The following CADM1 variants were observed in gnomAD, a reference collection of about 807,000 sequenced individuals.
CADM1 encodes TSLC-1.
A neutral mutation model predicts 53.1 loss-of-function variants in CADM1; 15 were observed. The observed-to-expected ratio is 0.28, with a 90% CI of 0.19 to 0.44. The LOEUF (loss-of-function observed/expected upper bound fraction) is 0.44, where lower values mean the gene tolerates loss of function less well. Ranked by LOEUF, CADM1 falls within the 20% of genes least tolerant of loss-of-function variation. The pLI, the probability that CADM1 is intolerant of heterozygous loss-of-function variation, is 1.00. For missense variants in CADM1, 434 were observed against 611.3 expected (o/e 0.71, Z 3.06); for synonymous variants, 281 against 243.0 (o/e 1.16, Z -1.45).
chr11:115,320,809 A>G (rs1944804223), intron 1 of CADM1, among the ~76,000 whole-genome samples: 1 of 152,116 alleles, frequency 6.6e-6, no homozygotes, highest in Non-Finnish European at 1.5e-5. Flanking sequence ...TCCTTATGTA[A>G]TATAGGGGAA....
At chr11:115,350,125 C>T (rs1320648852) in intron 1 of CADM1, among the ~76,000 whole-genome samples, 1 of 152,158 alleles carries the variant, frequency 6.6e-6, no homozygotes, top group Non-Finnish European at 1.5e-5. Context: ...GCATGTGCCA[C>T]CATGACTGGC....
chr11:115,379,954 C>T (rs1302544298), intron 1 of CADM1, among the ~76,000 whole-genome samples: 1 of 152,012 alleles, frequency 6.6e-6, no homozygotes, highest in Non-Finnish European at 1.5e-5. Context: ...ACAGTATAGA[C>T]TATATAATAA....
intron 1 of CADM1, among the ~76,000 whole-genome samples, chr11:115,391,630 T>G (rs1194577220): frequency 6.6e-6 from 1 of 152,158 alleles, no homozygotes; most frequent in Non-Finnish European, 1.5e-5. Flanking sequence ...TTTTTCCTTT[T>G]TCCCCAAAAC....
intron 1 of CADM1, among the ~76,000 whole-genome samples, chr11:115,418,206 T>C (rs1317383090): frequency 3.9e-5 from 6 of 152,168 alleles, no homozygotes; most frequent in Admixed American, 2.0e-4. Flanking sequence ...TCAATGGTTA[T>C]GCTCTATATA....
At chr11:115,201,885 G>C (rs1940445832) in intron 8 of CADM1, among the ~76,000 whole-genome samples, 1 of 152,020 alleles carries the variant, frequency 6.6e-6, no homozygotes, top group African/African-American at 2.4e-5. Context: ...ATATGGCCAA[G>C]AAAAAACAAT....
In CADM1 at chr11:115,210,434, G is replaced by A. The variant is rs541243648; in HGVS notation, c.995-777C>T. Among the ~76,000 whole-genome samples the A allele has an allele frequency of 1.6e-4, 25 of 152,164 alleles. 1 individual carries two copies. Among genetic ancestry groups the A allele is most frequent in the African/African-American group, 5.8e-4 (24 of 41,508 alleles). On this transcript the variant is annotated intron_variant, in intron 7 of 11. Transcript: ENST00000331581. Reference sequence around the variant, plus strand: ...ACCTTCAAAGCCAGGAACCTGATAGGGAACCCTCTGTCAGATATTTGATAT... The same window carrying A: ...ACCTTCAAAGCCAGGAACCTGATAGAGAACCCTCTGTCAGATATTTGATAT...
intron 1 of CADM1, among the ~76,000 whole-genome samples, chr11:115,373,606 A>AAAAAG (rs1946365675): frequency 8.4e-6 from 1 of 119,092 alleles, no homozygotes; most frequent in Non-Finnish European, 1.8e-5. Flanking sequence ...AAAAAAAAAA[A>AAAAAG]AAGAAGAAGA....
chr11:115,427,818 C>T (rs2102593), intron 1 of CADM1, among the ~76,000 whole-genome samples: 44,094 of 151,484 alleles, frequency 0.29, 7,329 homozygotes, highest in Non-Finnish European at 0.39. Flanking sequence ...ACCATCCTGG[C>T]TAACACGTGA....
chr11:115,297,335 C>G (rs1331999853), intron 1 of CADM1, among the ~76,000 whole-genome samples: 2 of 152,174 alleles, frequency 1.3e-5, no homozygotes, highest in African/African-American at 2.4e-5. Context: ...GACAGGTAGA[C>G]AGATGTTCAG....
Position 115,195,922 on chromosome 11 carries a change from G to C in CADM1, c.1111+2484C>G, listed in dbSNP as rs45620533. Among the ~76,000 whole-genome samples, 1,008 of 152,280 alleles carry C rather than the reference G, an allele frequency of 6.6e-3. 15 individuals carry two copies. The highest frequency in any genetic ancestry group is 0.012 in the Non-Finnish European group (810 of 68,020). ...GACAAGGTAAAGAATGTATTTATAA[G>C]TGTATTATACAGGGATCAGCCTAGA... On this transcript the variant is annotated intron_variant, in intron 9 of 11. Transcript: ENST00000331581.
intron 1 of CADM1, among the ~76,000 whole-genome samples, chr11:115,409,502 G>T (rs1318878445): frequency 6.6e-6 from 1 of 151,534 alleles, no homozygotes; most frequent in Non-Finnish European, 1.5e-5. Flanking sequence ...TTCACTCAAG[G>T]GGCTGAATCT....
At position 115,214,676 on chromosome 11, in the gene CADM1, C is replaced by T; in HGVS notation, c.926G>A (p.Gly309Asp). The change falls in exon 7 of 12, where the codon GGT becomes GAT. Residue 309 changes from glycine (G) to aspartate (D), a missense_variant. Gly to Asp is a moderately conservative substitution (Grantham distance 94). Coordinates refer to ENST00000331581, the MANE Select transcript of CADM1 (RefSeq NM_001301043.2). ...GTTTGAAGCTTCACAGCGGTATGTA[C>T]CATTATCTGTTTTGTTTAGGTTATT... The part of the protein sequence containing the change: ...FINNLNKTDN[G>D]TYRCEASNIV... 1 of 1,613,944 alleles carries T rather than the reference C, an allele frequency of 6.2e-7. No individual in the cohort carries two copies. The highest frequency in any genetic ancestry group is 8.5e-7 in the Non-Finnish European group (1 of 1,179,916).
intron 1 of CADM1, among the ~76,000 whole-genome samples, chr11:115,312,901 T>G (rs1944567409): frequency 6.6e-6 from 1 of 152,106 alleles, no homozygotes; most frequent in Admixed American, 6.6e-5. Context: ...AGCCAAGAGA[T>G]GGCTGGGAGT....
At chr11:115,254,600 A>G (rs1055288230) in intron 1 of CADM1, among the ~76,000 whole-genome samples, 2 of 150,644 alleles carry the variant, frequency 1.3e-5, no homozygotes, top group African/African-American at 4.9e-5. Flanking sequence ...ACACAGAGAC[A>G]ACAAACGCAT....
chr11:115,440,487 G>C (rs113748646), intron 1 of CADM1, among the ~76,000 whole-genome samples: 326 of 152,250 alleles, frequency 2.1e-3, no homozygotes, highest in African/African-American at 7.4e-3. Context: ...ATTATAACCT[G>C]GAGTTTACCA....
intron 1 of CADM1, among the ~76,000 whole-genome samples, chr11:115,469,005 C>G (rs1948953192): frequency 6.6e-6 from 1 of 152,104 alleles, no homozygotes; most frequent in Admixed American, 6.6e-5. Flanking sequence ...CAGAAAAAAA[C>G]CCACCCCCAT....
chr11:115,334,625 T>C (rs1262632977), intron 1 of CADM1, among the ~76,000 whole-genome samples: 1 of 152,164 alleles, frequency 6.6e-6, no homozygotes, highest in Admixed American at 6.6e-5. Flanking sequence ...GGGAAAATAG[T>C]CTGTATAGGG....
chr11:115,438,530 A>C (rs1948235354), intron 1 of CADM1, among the ~76,000 whole-genome samples: 1 of 152,146 alleles, frequency 6.6e-6, no homozygotes, highest in South Asian at 2.1e-4. Context: ...AATGTAAAAA[A>C]AAATAGAAGA....
At chr11:115,178,195 C>T (rs1016555927) in intron 11 of CADM1, among the ~76,000 whole-genome samples, 3 of 152,196 alleles carry the variant, frequency 2.0e-5, no homozygotes, top group African/African-American at 4.8e-5. Flanking sequence ...GCAGTCTTCT[C>T]GCCATTGTGA....
Sources: allele counts gnomAD v4.1 joint callset (sites outside exome capture counted in the v4.1 genomes callset), GRCh38; gene constraint gnomAD v4.1.1; transcripts MANE v1.5; gene names NCBI Gene and HGNC (gene_info 2026-07-23, HGNC 2026-07-21).